The following ANGPT1 variants were observed in gnomAD, a reference collection of about 807,000 sequenced individuals.
ANGPT1 encodes the protein angiopoietin 1.
ANGPT1 carries 17 observed loss-of-function variants against 62.2 expected under a neutral mutation model. That is an observed-to-expected ratio of 0.27 (90% CI 0.19 to 0.41). The LOEUF (loss-of-function observed/expected upper bound fraction) is 0.41. Among genes scored for constraint, ANGPT1 ranks in the 10% least tolerant of loss-of-function variants. The probability of loss-of-function intolerance (pLI) is 1.00; values close to 1 mark genes in which losing one functional copy is unlikely to be tolerated. For synonymous variants in ANGPT1, 199 were observed against 198.9 expected (o/e 1.00, Z 0.00); for missense variants, 478 against 594.9 (o/e 0.80, Z 2.04).
chr8:107,464,509 A>G (rs899200401), intron 1 of ANGPT1, among the ~76,000 whole-genome samples: 1 of 152,110 alleles, frequency 6.6e-6, no homozygotes, highest in Non-Finnish European at 1.5e-5. Context: ...TAGGTGGTGT[A>G]CTAGATGCTG....
At chr8:107,342,454 A>C (rs1377006439) in intron 2 of ANGPT1, among the ~76,000 whole-genome samples, 1 of 152,192 alleles carries the variant, frequency 6.6e-6, no homozygotes, top group Non-Finnish European at 1.5e-5. Context: ...GACAGTAAAC[A>C]TCTTAGGCTT....
intron 7 of ANGPT1, among the ~76,000 whole-genome samples, chr8:107,269,276 G>A (rs1186772830): frequency 1.3e-5 from 2 of 151,682 alleles, no homozygotes; most frequent in Non-Finnish European, 2.9e-5. Flanking sequence ...TTAAGGACCA[G>A]TCACTCATTA....
At chr8:107,385,325 T>C (rs766567419) in intron 1 of ANGPT1, among the ~76,000 whole-genome samples, 2 of 152,130 alleles carry the variant, frequency 1.3e-5, no homozygotes, top group Non-Finnish European at 2.9e-5. Flanking sequence ...GTTTTGTAAT[T>C]CTTGTTGTAG....
At chr8:107,405,393 C>A (rs547266090) in intron 1 of ANGPT1, among the ~76,000 whole-genome samples, 1 of 151,888 alleles carries the variant, frequency 6.6e-6, no homozygotes, top group African/African-American at 2.4e-5. Flanking sequence ...CTAAAAATCC[C>A]AAATCTGAAA....
intron 1 of ANGPT1, among the ~76,000 whole-genome samples, chr8:107,427,092 A>C (rs948167879): frequency 6.6e-6 from 1 of 152,112 alleles, no homozygotes; most frequent in African/African-American, 2.4e-5. Context: ...TTCCCCATGC[A>C]CTCCCTTTTC....
chr8:107,394,307 A>G (rs1816892255), intron 1 of ANGPT1, among the ~76,000 whole-genome samples: 1 of 152,190 alleles, frequency 6.6e-6, no homozygotes, highest in African/African-American at 2.4e-5. Flanking sequence ...GTTGACTCTT[A>G]CTAGAATATA....
intron 1 of ANGPT1, among the ~76,000 whole-genome samples, chr8:107,415,427 G>T (rs1466250904): frequency 6.6e-6 from 1 of 152,096 alleles, no homozygotes; most frequent in African/African-American, 2.4e-5. Context: ...ACCTTTCAAA[G>T]ACCATACTCA....
chr8:107,446,282 G>C (rs1249458191), intron 1 of ANGPT1, among the ~76,000 whole-genome samples: 1 of 152,140 alleles, frequency 6.6e-6, no homozygotes, highest in African/African-American at 2.4e-5. Context: ...AAAAGTATTT[G>C]TCAGATTTTT....
At chr8:107,306,228 T>C (rs1393357493) in intron 4 of ANGPT1, among the ~76,000 whole-genome samples, 3 of 152,100 alleles carry the variant, frequency 2.0e-5, no homozygotes, top group Non-Finnish European at 1.5e-5. Flanking sequence ...TCTTCCACCT[T>C]CTAATTAAAA....
chr8:107,481,502 C>T (rs924188107), intron 1 of ANGPT1, among the ~76,000 whole-genome samples: 45 of 131,218 alleles, frequency 3.4e-4, no homozygotes, highest in South Asian at 1.5e-3. Context: ...CCACTACACT[C>T]CAGCCTGGCA....
At chr8:107,288,363 C>T (rs892424140) in intron 6 of ANGPT1, among the ~76,000 whole-genome samples, 7 of 152,266 alleles carry the variant, frequency 4.6e-5, no homozygotes, top group African/African-American at 1.7e-4. Flanking sequence ...CTATCTCTTT[C>T]AAGCCCTCTC....
intron 8 of ANGPT1, 146 bp downstream of exon 8, chr8:107,264,075 G>A: frequency 2.1e-6 from 2 of 963,762 alleles, no homozygotes; most frequent in Non-Finnish European, 1.4e-6. Flanking sequence ...AGAACGCAGG[G>A]TAAATTCGTG....
intron 1 of ANGPT1, among the ~76,000 whole-genome samples, chr8:107,429,496 A>G (rs1478969190): frequency 1.3e-5 from 2 of 152,192 alleles, no homozygotes; most frequent in Non-Finnish European, 2.9e-5. Context: ...GGACACTCCC[A>G]AGGAGCTTGC....
chr8:107,262,097 A>G (rs1813506416), intron 8 of ANGPT1, among the ~76,000 whole-genome samples: 1 of 152,126 alleles, frequency 6.6e-6, no homozygotes, highest in Non-Finnish European at 1.5e-5. Flanking sequence ...CAGGAGGCTG[A>G]GGCAAGATAA....
chr8:107,421,099 A>C (rs573081426), intron 1 of ANGPT1, among the ~76,000 whole-genome samples: 18 of 152,298 alleles, frequency 1.2e-4, no homozygotes, highest in African/African-American at 3.8e-4. Context: ...GTTTTTGTAG[A>C]AATGTATGAC....
chr8:107,458,571 G>A (rs757170686), intron 1 of ANGPT1, among the ~76,000 whole-genome samples: 5 of 152,116 alleles, frequency 3.3e-5, no homozygotes, highest in Non-Finnish European at 7.4e-5. Flanking sequence ...ATTGGTGAGT[G>A]TGAATGACAT....
At chr8:107,328,754 G>C (rs7004172) in intron 3 of ANGPT1, among the ~76,000 whole-genome samples, 63,073 of 151,660 alleles carry the variant, frequency 0.42, 13,375 homozygotes, top group African/African-American at 0.47. Flanking sequence ...AACTTCTGAA[G>C]AAGCCGAGAT....
chr8:107,335,602 A>G (rs1444697474), intron 3 of ANGPT1, among the ~76,000 whole-genome samples: 1 of 152,218 alleles, frequency 6.6e-6, no homozygotes, highest in Non-Finnish European at 1.5e-5. Flanking sequence ...GAAATTTACT[A>G]TGTCCAAAGT....
intron 8 of ANGPT1, among the ~76,000 whole-genome samples, chr8:107,260,531 A>G (rs1288876058): frequency 6.6e-6 from 1 of 152,128 alleles, no homozygotes; most frequent in Non-Finnish European, 1.5e-5. Flanking sequence ...TCTAAGGGAA[A>G]TTTTGACAGA....
Sources: allele counts gnomAD v4.1 joint callset (sites outside exome capture counted in the v4.1 genomes callset), GRCh38; gene constraint gnomAD v4.1.1; transcripts MANE v1.5; gene names NCBI Gene and HGNC (gene_info 2026-07-23, HGNC 2026-07-21).